EPHA5: variants seen among roughly 807,000 people sequenced by gnomAD.
The protein encoded by EPHA5 is EPH receptor A5, also known as ephrin type-A receptor 5.
A neutral mutation model predicts 105.0 loss-of-function variants in EPHA5; 60 were observed. The observed-to-expected ratio is 0.57, with a 90% CI of 0.46 to 0.71. The LOEUF (loss-of-function observed/expected upper bound fraction) is 0.71. EPHA5 is among the 30% of genes least tolerant of loss of function. The pLI, the probability that EPHA5 is intolerant of heterozygous loss-of-function variation, is 0.00. For missense variants in EPHA5, 1,218 were observed against 1,274.7 expected (o/e 0.96, Z 0.68); for synonymous variants, 513 against 449.1 (o/e 1.14, Z -1.80).
chr4:65,659,326 A>AAAC, intron 1 of EPHA5, among the ~76,000 whole-genome samples: 1 of 6,434 alleles, frequency 1.6e-4, no homozygotes, highest in African/African-American at 3.0e-4. Context: ...ACAGAAAAAA[A>AAAC]AAAAAAAAAA....
At chr4:65,642,111 A>G (rs193212254) in intron 2 of EPHA5, among the ~76,000 whole-genome samples, 3 of 152,234 alleles carry the variant, frequency 2.0e-5, no homozygotes, top group Non-Finnish European at 2.9e-5. Flanking sequence ...AATATCTCAT[A>G]TATTTTCTCT....
intron 3 of EPHA5, among the ~76,000 whole-genome samples, chr4:65,498,868 G>T (rs866633975): frequency 3.3e-5 from 5 of 151,674 alleles, no homozygotes; most frequent in Admixed American, 1.3e-4. Flanking sequence ...GTCATAAACT[G>T]TAATTATTCA....
chr4:65,519,514 G>A (rs1483521617), intron 3 of EPHA5, among the ~76,000 whole-genome samples: 1 of 152,108 alleles, frequency 6.6e-6, no homozygotes, highest in Non-Finnish European at 1.5e-5. Context: ...CATAGTGTTG[G>A]AAGTTCTGGC....
At chr4:65,629,053 G>A (rs1190483719) in intron 2 of EPHA5, among the ~76,000 whole-genome samples, 3 of 152,044 alleles carry the variant, frequency 2.0e-5, no homozygotes, top group Non-Finnish European at 4.4e-5. Flanking sequence ...ATTTGCTCAA[G>A]GAGTTCACAT....
intron 3 of EPHA5, among the ~76,000 whole-genome samples, chr4:65,531,005 T>C (rs902948143): frequency 9.6e-6 from 1 of 103,990 alleles, no homozygotes; most frequent in Non-Finnish European, 2.0e-5. Context: ...GATTTTTTTT[T>C]ATTTTTTTTA....
At chr4:65,333,412 A>G (rs534784187) in intron 15 of EPHA5, among the ~76,000 whole-genome samples, 2 of 151,620 alleles carry the variant, frequency 1.3e-5, no homozygotes, top group East Asian at 2.0e-4. Context: ...TCAAACTACA[A>G]AATGACTGAC....
At chr4:65,602,514 A>G (rs935521672) in intron 2 of EPHA5, among the ~76,000 whole-genome samples, 1 of 152,168 alleles carries the variant, frequency 6.6e-6, no homozygotes, top group Non-Finnish European at 1.5e-5. Context: ...GTAAATTAAG[A>G]AATTATTATT....
intron 8 of EPHA5, among the ~76,000 whole-genome samples, chr4:65,399,524 C>T (rs1721604375): frequency 6.6e-6 from 1 of 152,208 alleles, no homozygotes; most frequent in African/African-American, 2.4e-5. Flanking sequence ...CCCTAAGAAT[C>T]CTGTGACAAA....
At chr4:65,604,719 T>G (rs569193923) in intron 2 of EPHA5, among the ~76,000 whole-genome samples, 1 of 137,994 alleles carries the variant, frequency 7.2e-6, no homozygotes, top group African/African-American at 2.6e-5. Flanking sequence ...TCAGCAAAAA[T>G]CAGGTATGTA....
chr4:65,347,157 CATGGATGACAGAA>C (rs1326523723), intron 14 of EPHA5, among the ~76,000 whole-genome samples: 3 of 146,780 alleles, frequency 2.0e-5, no homozygotes, highest in Non-Finnish European at 4.5e-5. Flanking sequence ...TTTTATGGAG[CATGGATGACAGAA>C]ATAATGCGAG....
intron 5 of EPHA5, among the ~76,000 whole-genome samples, chr4:65,440,528 A>ACACACACACACC (rs368038997): frequency 2.0e-5 from 3 of 151,690 alleles, no homozygotes; most frequent in African/African-American, 4.8e-5. Flanking sequence ...ACACACACAC[A>ACACACACACACC]CACACAGAGG....
At chr4:65,438,231 C>T (rs1725669470) in intron 5 of EPHA5, among the ~76,000 whole-genome samples, 1 of 151,840 alleles carries the variant, frequency 6.6e-6, no homozygotes. Flanking sequence ...TCAAAATAAT[C>T]ATAACAATAA....
chr4:65,463,110 A>G (rs1728280336), intron 5 of EPHA5, among the ~76,000 whole-genome samples: 1 of 152,172 alleles, frequency 6.6e-6, no homozygotes, highest in African/African-American at 2.4e-5. Context: ...TTAAAACTGT[A>G]TCAATAACAT....
intron 3 of EPHA5, among the ~76,000 whole-genome samples, chr4:65,587,070 T>C (rs1373087437): frequency 6.6e-6 from 1 of 152,112 alleles, no homozygotes; most frequent in African/African-American, 2.4e-5. Flanking sequence ...GTTCTGCTTC[T>C]TTTCAACTTC....
chr4:65,521,508 G>T (rs898834123), intron 3 of EPHA5, among the ~76,000 whole-genome samples: 2 of 151,824 alleles, frequency 1.3e-5, no homozygotes, highest in Non-Finnish European at 2.9e-5. Flanking sequence ...ATGTACCCTA[G>T]AACTTAAGGT....
intron 11 of EPHA5, among the ~76,000 whole-genome samples, chr4:65,353,459 G>C (rs1018128352): frequency 2.0e-5 from 3 of 150,048 alleles, no homozygotes; most frequent in Non-Finnish European, 4.5e-5. Flanking sequence ...GAGTCAGTGA[G>C]AAAAATGTAT....
At chr4:65,641,595 T>C (rs1560810462) in intron 2 of EPHA5, among the ~76,000 whole-genome samples, 1 of 152,174 alleles carries the variant, frequency 6.6e-6, no homozygotes, top group Non-Finnish European at 1.5e-5. Flanking sequence ...TTAAATATAA[T>C]ACATTTTTTC....
chr4:65,453,096 T>C (rs1727223126), intron 5 of EPHA5, among the ~76,000 whole-genome samples: 2 of 152,306 alleles, frequency 1.3e-5, no homozygotes, highest in African/African-American at 4.8e-5. Context: ...TAATCATTTT[T>C]TGATACTCGT....
intron 8 of EPHA5, 51 bp downstream of exon 8, chr4:65,404,323 G>T (rs373457743): frequency 1.3e-6 from 2 of 1,494,890 alleles, no homozygotes; most frequent in Non-Finnish European, 9.3e-7. Context: ...TCAGATCAAG[G>T]TGAGGAAGAG....
Sources: gnomAD v4.1 joint callset for allele counts (sites outside exome capture counted in the v4.1 genomes callset) on GRCh38, gnomAD v4.1.1 for gene constraint, MANE v1.5 for transcripts, NCBI Gene and HGNC (gene_info 2026-07-23, HGNC 2026-07-21) for gene names.